The following DAAM1 variants were observed in gnomAD, a reference collection of about 807,000 sequenced individuals.
DAAM1 encodes dishevelled associated activator of morphogenesis 1.
DAAM1 carries 52 observed loss-of-function variants against 130.0 expected under a neutral mutation model. The ratio of observed to expected loss-of-function variants is 0.40; its 90% CI spans 0.32 to 0.50. DAAM1 has a LOEUF of 0.50. Among genes scored for constraint, DAAM1 ranks in the 20% least tolerant of loss-of-function variants. The probability of loss-of-function intolerance (pLI) is 0.61; values close to 1 mark genes in which losing one functional copy is unlikely to be tolerated. For missense variants in DAAM1, 1,134 were observed against 1,303.8 expected (o/e 0.87, Z 2.01); for synonymous variants, 452 against 444.5 (o/e 1.02, Z -0.21).
intron 1 of DAAM1, among the ~76,000 whole-genome samples, chr14:59,257,965 C>A (rs889513124): frequency 4.3e-4 from 65 of 152,204 alleles, no homozygotes; most frequent in African/African-American, 1.5e-3. Flanking sequence ...ATCATACTAT[C>A]TGAAGGACCT....
At chr14:59,326,861 C>A in intron 11 of DAAM1, 72 bp from the exon 12 acceptor site, 1 of 1,587,908 alleles carries the variant, frequency 6.3e-7, no homozygotes, top group Non-Finnish European at 8.6e-7. Flanking sequence ...TATTTTTGTA[C>A]CTGGGGAGAA....
At chr14:59,246,240 A>T (rs1460923651) in intron 1 of DAAM1, among the ~76,000 whole-genome samples, 2 of 152,160 alleles carry the variant, frequency 1.3e-5, no homozygotes, top group Non-Finnish European at 2.9e-5. Context: ...GTCCCCTGGT[A>T]ACCACCACTC....
intron 22 of DAAM1, chr14:59,362,562 A>G (rs1002543549): frequency 7.2e-5 from 11 of 152,140 alleles, no homozygotes; most frequent in Admixed American, 5.9e-4. Context: ...AATCAGTGCC[A>G]GCTCCATAAT....
chr14:59,331,982 C>T, intron 15 of DAAM1, 62 bp downstream of exon 15: 2 of 1,405,356 alleles, frequency 1.4e-6, no homozygotes, highest in Non-Finnish European at 2.0e-6. Flanking sequence ...TGCATGATCT[C>T]TGGCCCATCA....
At chr14:59,360,997 C>A in intron 22 of DAAM1, 135 bp downstream of exon 22, 1 of 694,106 alleles carries the variant, frequency 1.4e-6, no homozygotes, top group Non-Finnish European at 2.2e-6. Flanking sequence ...ATAAGAACCA[C>A]CACCACAAGA....
chr14:59,294,207 A>G (rs954891072), intron 3 of DAAM1, among the ~76,000 whole-genome samples: 3 of 152,218 alleles, frequency 2.0e-5, no homozygotes, highest in East Asian at 1.9e-4. Flanking sequence ...GTGAAGGCCA[A>G]TGAGCCTGGG....
At chr14:59,325,939 T>C (rs1885187489) in intron 9 of DAAM1, 21 bp from the exon 10 acceptor site, 3 of 1,609,874 alleles carry the variant, frequency 1.9e-6, no homozygotes, top group Non-Finnish European at 2.6e-6. Flanking sequence ...TTTGATTTGA[T>C]TTCTTTTTCC....
chr14:59,337,861 C>T (rs1050915954), intron 15 of DAAM1, among the ~76,000 whole-genome samples: 1 of 133,040 alleles, frequency 7.5e-6, no homozygotes, highest in Admixed American at 7.2e-5. Flanking sequence ...TTGAGTTGTT[C>T]AACCTGTCTT....
At chr14:59,353,716 G>A (rs1376875495) in intron 18 of DAAM1, among the ~76,000 whole-genome samples, 160 bp from the exon 19 acceptor site, 2 of 152,072 alleles carry the variant, frequency 1.3e-5, no homozygotes, top group Admixed American at 6.6e-5. Context: ...CTGGCTTAAT[G>A]TCCTGTGTTC....
chr14:59,349,013 G>C (rs1043247971), intron 17 of DAAM1, among the ~76,000 whole-genome samples: 1 of 152,182 alleles, frequency 6.6e-6, no homozygotes, highest in Admixed American at 6.5e-5. Context: ...CGGTTTAAAA[G>C]TATCTCCTGA....
At chr14:59,362,326 G>A (rs562879036) in intron 22 of DAAM1, 16 of 152,242 alleles carry the variant, frequency 1.1e-4, no homozygotes, top group South Asian at 6.2e-4. Context: ...TGGAGGTGAC[G>A]TAGTATTGTA....
At chr14:59,268,092 G>A (rs1285523640) in intron 2 of DAAM1, among the ~76,000 whole-genome samples, 2 of 151,886 alleles carry the variant, frequency 1.3e-5, no homozygotes, top group Non-Finnish European at 2.9e-5. Flanking sequence ...TTTTAGAGAC[G>A]GGGTTTTGCC....
chr14:59,306,939 G>T (rs749544727), intron 3 of DAAM1, among the ~76,000 whole-genome samples: 1 of 152,170 alleles, frequency 6.6e-6, no homozygotes, highest in African/African-American at 2.4e-5. Context: ...GTGTTCTTGA[G>T]CAAGAGCTTT....
At chr14:59,198,763 T>C (rs1229619271) in intron 1 of DAAM1, among the ~76,000 whole-genome samples, 2 of 152,252 alleles carry the variant, frequency 1.3e-5, no homozygotes, top group Admixed American at 6.5e-5. Flanking sequence ...TTTGACACCT[T>C]GAATGAAATC....
chr14:59,255,378 A>G (rs1881830919), intron 1 of DAAM1, among the ~76,000 whole-genome samples: 1 of 152,126 alleles, frequency 6.6e-6, no homozygotes. Flanking sequence ...GCTTTAGACT[A>G]TATCCCGTGA....
chr14:59,368,333 C>CT (rs574079062), intron 24 of DAAM1, among the ~76,000 whole-genome samples: 193 of 151,834 alleles, frequency 1.3e-3, no homozygotes, highest in Admixed American at 2.1e-3. Context: ...ATAGTGATAC[C>CT]TTTTTTTTAA....
chr14:59,293,306 C>G (rs750612490), intron 3 of DAAM1, among the ~76,000 whole-genome samples: 11 of 152,144 alleles, frequency 7.2e-5, no homozygotes. Flanking sequence ...AACTACTGCC[C>G]CTTAGATTAG....
chr14:59,295,432 C>G (rs1175285056), intron 3 of DAAM1, among the ~76,000 whole-genome samples: 1 of 152,200 alleles, frequency 6.6e-6, no homozygotes, highest in Non-Finnish European at 1.5e-5. Context: ...TCAGCTAGTA[C>G]TTTTCATTTA....
In DAAM1 at chr14:59,369,495, C is replaced by G. The variant is rs897965323; in HGVS notation, c.*636C>G. 6.6e-5 allele frequency: 10 copies of G among 152,402 alleles called. No individual in the cohort carries two copies. Among genetic ancestry groups the G allele is most frequent in the African/African-American group, 2.4e-4 (10 of 41,400 alleles). The allele number at this position is 152,402 out of a possible 1,614,324, so 9.4% of individuals were successfully genotyped here. A position where few individuals can be genotyped will look rare whatever the true frequency, so the allele number is the denominator to read the frequency against. On this transcript the variant is annotated 3_prime_UTR_variant, in exon 25 of 25. Transcript: ENST00000360909. ...ACACAATTTGAATTATGTAGAATGT[C>G]AATCAAGTTTTTGTATATTTAAAAG...
Sources: allele counts gnomAD v4.1 joint callset (sites outside exome capture counted in the v4.1 genomes callset), GRCh38; gene constraint gnomAD v4.1.1; transcripts MANE v1.5; gene names NCBI Gene and HGNC (gene_info 2026-07-23, HGNC 2026-07-21).